ILDR1: variants seen among roughly 807,000 people sequenced by gnomAD.
The protein encoded by ILDR1 is immunoglobulin-like domain-containing receptor 1.
ILDR1 carries 56 observed loss-of-function variants against 62.4 expected under a neutral mutation model. That is an observed-to-expected ratio of 0.90 (90% CI 0.72 to 1.12). The LOEUF (loss-of-function observed/expected upper bound fraction) is 1.12. Ranked by LOEUF, ILDR1 falls within the 50% of genes most tolerant of loss-of-function variation. ILDR1 has a pLI of 0.00. For synonymous variants in ILDR1, 284 were observed against 277.8 expected (o/e 1.02, Z -0.22); for missense variants, 736 against 710.6 (o/e 1.04, Z -0.41).
chr3:121,997,118 T>C (rs4325959), intron 5 of ILDR1, among the ~76,000 whole-genome samples: 75,387 of 152,004 alleles, frequency 0.5, 19,276 homozygotes, highest in East Asian at 0.78. Flanking sequence ...CCAGGCTGGT[T>C]TTGAACTCCT....
chr3:122,022,933 A>ATAAATAAC (rs2071886220), upstream of ILDR1, among the ~76,000 whole-genome samples: 1 of 149,392 alleles, frequency 6.7e-6, no homozygotes, highest in Admixed American at 6.6e-5. Flanking sequence ...AAATAAATAA[A>ATAAATAAC]TAAATAAATA....
At chr3:122,031,068 A>G in the ILDR1 span, among the ~76,000 whole-genome samples, 1 of 152,226 alleles carries the variant, frequency 6.6e-6, no homozygotes, top group South Asian at 2.1e-4. Flanking sequence ...TCCAAAGCTC[A>G]TGGCCCTGAG....
At chr3:122,008,593 CTTTTTTT>C (rs10546593) in intron 1 of ILDR1, among the ~76,000 whole-genome samples, 2 of 80,118 alleles carry the variant, frequency 2.5e-5, no homozygotes, top group African/African-American at 7.4e-5. Flanking sequence ...CTTTTCTTTT[CTTTTTTT>C]TTTTTTTTTT....
chr3:122,020,873 G>T (rs1435402109), intron 1 of ILDR1, among the ~76,000 whole-genome samples: 1 of 152,146 alleles, frequency 6.6e-6, no homozygotes, highest in Non-Finnish European at 1.5e-5. Flanking sequence ...AAGCCAGAGG[G>T]CCTTGGGGGA....
At position 121,993,406 on chromosome 3, in the gene ILDR1, C is replaced by T. The variant is rs753781354; in HGVS notation, c.1343G>A (p.Arg448His). 4.2e-5 allele frequency: 68 copies of T among 1,613,366 alleles called. 1 individual carries two copies. Among genetic ancestry groups the T allele is most frequent in the South Asian group, 1.8e-4 (16 of 91,058 alleles). Residue 448 changes from arginine to histidine, a missense_variant, in exon 7 of 8, where the codon CGC (arginine) becomes CAC (histidine). Physicochemically the swap from Arg to His is conservative, Grantham distance 29. Coordinates refer to ENST00000344209, the MANE Select transcript of ILDR1 (RefSeq NM_001199799.2). ...AGTGCTCTCCCGGGGGCTGGGCCTGCGGGGCCTCTCCTGACAGCGGCTCCT... is the reference window on the plus strand; with the variant it reads ...AGTGCTCTCCCGGGGGCTGGGCCTGTGGGGCCTCTCCTGACAGCGGCTCCT... ...PFRSRCQERP[R>H]RPSPRESTQR...
chr3:122,034,131 C>G, the ILDR1 span, among the ~76,000 whole-genome samples: 2 of 151,984 alleles, frequency 1.3e-5, no homozygotes, highest in Non-Finnish European at 2.9e-5. Context: ...TTTCACATAC[C>G]CTTTATGTTA....
chr3:122,001,485 C>T (rs746431279), intron 4 of ILDR1, 31 bp from the exon 5 acceptor site: 1 of 1,612,700 alleles, frequency 6.2e-7, no homozygotes, highest in Non-Finnish European at 8.5e-7. Flanking sequence ...AGGGGTTGAA[C>T]TAAATATTCA....
At position 122,005,401 on chromosome 3, in the gene ILDR1, G is replaced by T. The variant is rs368150851; in HGVS notation, c.230-8C>A. ...ATAAAGCTGCCTGGTATGCTGAGGA[G>T]AGAGGGCACACTAGAGTCACACAGC... On this transcript the variant is annotated splice_polypyrimidine_tract_variant and splice_region_variant and intron_variant, in intron 2 of 7. Transcript: ENST00000344209. The T allele has an allele frequency of 6.2e-7, 1 of 1,614,064 alleles. No individual in the cohort carries two copies. Among genetic ancestry groups the T allele is most frequent in the Non-Finnish European group, 8.5e-7 (1 of 1,180,028 alleles).
chr3:122,030,858 T>C, the ILDR1 span, among the ~76,000 whole-genome samples: 5 of 152,166 alleles, frequency 3.3e-5, no homozygotes, highest in African/African-American at 1.2e-4. Context: ...TCCCAGGTGG[T>C]TCTAATCTGC....
At chr3:122,005,528 T>C in intron 2 of ILDR1, 135 bp from the exon 3 acceptor site, 5 of 861,676 alleles carry the variant, frequency 5.8e-6, no homozygotes, top group Non-Finnish European at 9.2e-6. Flanking sequence ...CTTGGGACTC[T>C]TGTTAATCAC....
At chr3:122,018,664 A>G (rs2071812915) in intron 1 of ILDR1, among the ~76,000 whole-genome samples, 1 of 152,184 alleles carries the variant, frequency 6.6e-6, no homozygotes, top group Admixed American at 6.5e-5. Flanking sequence ...TCAACCTGAG[A>G]CACATGACTT....
chr3:121,998,202 T>A (rs769235208), intron 5 of ILDR1, among the ~76,000 whole-genome samples: 1 of 152,194 alleles, frequency 6.6e-6, no homozygotes, highest in Non-Finnish European at 1.5e-5. Context: ...TCTTTCCTTG[T>A]AGGGCTGAGG....
At chr3:122,046,788 C>T in the ILDR1 span, among the ~76,000 whole-genome samples, 3 of 136,224 alleles carry the variant, frequency 2.2e-5, no homozygotes, top group Admixed American at 7.4e-5. Context: ...TTAAGCACTT[C>T]CCTGTATTGG....
In ILDR1 at chr3:121,993,323, G is replaced by T; in HGVS notation, c.1426C>A (p.Leu476Ile). The T allele has an allele frequency of 6.2e-7, 1 of 1,611,760 alleles. No individual in the cohort carries two copies. The highest frequency in any genetic ancestry group is 8.5e-7 in the Non-Finnish European group (1 of 1,178,338). ...RSYSPPLPSG[L>I]SSWSSEEDKE... is the part of the protein sequence containing the mutation. ...TCCTCTTCAGAGCTCCAGGAACTGAGGCCGGAGGGCAAGGGAGGAGAGTAG... is the reference window on the plus strand; with the variant it reads ...TCCTCTTCAGAGCTCCAGGAACTGATGCCGGAGGGCAAGGGAGGAGAGTAG... Residue 476 changes from leucine (L) to isoleucine (I), a missense_variant, in exon 7 of 8, where the codon CTC (leucine) becomes ATC (isoleucine). Coordinates refer to ENST00000344209, the MANE Select transcript of ILDR1 (RefSeq NM_001199799.2).
intron 1 of ILDR1, among the ~76,000 whole-genome samples, chr3:122,017,174 G>A (rs755462462): frequency 8.6e-5 from 13 of 152,008 alleles, no homozygotes; most frequent in Non-Finnish European, 1.5e-4. Flanking sequence ...TCAGCCTCCC[G>A]AGTAGCTTGG....
intron 7 of ILDR1, among the ~76,000 whole-genome samples, chr3:121,991,972 C>T (rs185104382): frequency 1.0e-3 from 158 of 152,272 alleles, no homozygotes; most frequent in Non-Finnish European, 1.4e-3. Context: ...CTTTGACTAT[C>T]TCAACAGAAG....
At chr3:122,003,158 C>G (rs543831107) in intron 3 of ILDR1, among the ~76,000 whole-genome samples, 7 of 152,322 alleles carry the variant, frequency 4.6e-5, no homozygotes, top group East Asian at 1.9e-4. Context: ...CCAGCTCCCC[C>G]ACCCACAGTA....
chr3:122,001,457 G>A lies in ILDR1; in HGVS notation c.500-3C>T. On this transcript the variant is annotated splice_polypyrimidine_tract_variant and splice_region_variant and intron_variant, in intron 4 of 7. Coordinates refer to ENST00000344209, the MANE Select transcript of ILDR1 (RefSeq NM_001199799.2). The stretch of plus-strand genomic sequence containing the variant: ...GATGAAGATCACTGTCAGCCAGTCT[G>A]CAGGGGAGAAGCCAAGCAGGGGTTG... The A allele has an allele frequency of 6.2e-7, 1 of 1,614,136 alleles. No homozygotes were observed. Among genetic ancestry groups the A allele is most frequent in the Non-Finnish European group, 8.5e-7 (1 of 1,179,996 alleles).
intron 1 of ILDR1, among the ~76,000 whole-genome samples, chr3:122,013,691 G>C (rs377511528): frequency 2.0e-5 from 3 of 152,100 alleles, no homozygotes; most frequent in East Asian, 3.8e-4. Context: ...AAGAGACAAA[G>C]ACAAGAGGGA....
Sources: gnomAD v4.1 joint callset for allele counts (sites outside exome capture counted in the v4.1 genomes callset) on GRCh38, gnomAD v4.1.1 for gene constraint, MANE v1.5 for transcripts, NCBI Gene and HGNC (gene_info 2026-07-23, HGNC 2026-07-21) for gene names.